SEMA3E: variants seen among roughly 807,000 people sequenced by gnomAD.
SEMA3E encodes semaphorin-3E.
SEMA3E carries 49 observed loss-of-function variants against 93.6 expected under a neutral mutation model. The observed-to-expected ratio is 0.52, with a 90% CI of 0.42 to 0.66. SEMA3E has a LOEUF of 0.66. Ranked by LOEUF, SEMA3E falls within the 30% of genes least tolerant of loss-of-function variation. The pLI, the probability that SEMA3E is intolerant of heterozygous loss-of-function variation, is 0.00. For synonymous variants in SEMA3E, 363 were observed against 330.7 expected (o/e 1.10, Z -1.06); for missense variants, 906 against 964.8 (o/e 0.94, Z 0.81).
Position 83,478,620 on chromosome 7 carries a change from G to A in SEMA3E, c.277-9318C>T, listed in dbSNP as rs187525905. 1.6e-3 allele frequency among the ~76,000 whole-genome samples: 242 copies of A among 152,236 alleles called. 2 individuals are homozygous for A. Among genetic ancestry groups the A allele is most frequent in the African/African-American group, 5.7e-3 (236 of 41,550 alleles). On this transcript the variant is annotated intron_variant, in intron 2 of 16. Coordinates refer to ENST00000643230, the MANE Select transcript of SEMA3E (RefSeq NM_012431.3). ...TCAGCCCTTATTATAAGTAAACAAA[G>A]GGTGTACAGTTACATCTAATACCAG...
intron 6 of SEMA3E, among the ~76,000 whole-genome samples, chr7:83,407,519 C>T (rs536893584): frequency 2.6e-5 from 4 of 151,942 alleles, no homozygotes; most frequent in Admixed American, 2.0e-4. Context: ...ACATGCAATG[C>T]GAACTTAAAA....
At chr7:83,449,388 C>T (rs186057139) in intron 4 of SEMA3E, among the ~76,000 whole-genome samples, 59 of 152,060 alleles carry the variant, frequency 3.9e-4, no homozygotes, top group African/African-American at 1.4e-3. Flanking sequence ...GCATGAGCCA[C>T]CTCAACTGGC....
chr7:83,545,181 G>A (rs1046705998), intron 1 of SEMA3E, among the ~76,000 whole-genome samples: 1 of 152,066 alleles, frequency 6.6e-6, no homozygotes, highest in Admixed American at 6.6e-5. Context: ...TCAGTGCTAG[G>A]AATGTTTAGA....
intron 7 of SEMA3E, 61 bp from the exon 8 acceptor site, chr7:83,406,120 C>A (rs76110148): frequency 8.3e-7 from 1 of 1,200,150 alleles, no homozygotes; most frequent in Non-Finnish European, 1.2e-6. Flanking sequence ...CCACAGATTT[C>A]ATATTATTAA....
chr7:83,464,986 G>C (rs1026505674), intron 4 of SEMA3E, among the ~76,000 whole-genome samples: 1 of 145,800 alleles, frequency 6.9e-6, no homozygotes, highest in African/African-American at 2.5e-5. Context: ...TGACTTGCAC[G>C]TATACACCCA....
intron 4 of SEMA3E, among the ~76,000 whole-genome samples, chr7:83,422,186 A>C (rs922889596): frequency 6.6e-6 from 1 of 152,166 alleles, no homozygotes; most frequent in Admixed American, 6.5e-5. Context: ...AAAAATAAAC[A>C]AATTAAAAAT....
chr7:83,548,880 C>A lies in SEMA3E; in HGVS notation c.116-58606G>T, dbSNP rs1317665587. The stretch of plus-strand genomic sequence containing the variant: ...TAAGGACCTATCTTATTCACAAATT[C>A]TATTCCTCCCTCTCCTCCTCTGGGC... On this transcript the variant is annotated intron_variant, in intron 1 of 16. Transcript: ENST00000643230. 2.6e-5 allele frequency among the ~76,000 whole-genome samples: 4 copies of A among 152,168 alleles called. No homozygotes were observed. The East Asian group carries it at 7.7e-4, about 29-fold the overall frequency.
intron 1 of SEMA3E, among the ~76,000 whole-genome samples, chr7:83,546,716 T>C (rs1791658264): frequency 6.6e-6 from 1 of 152,092 alleles, no homozygotes; most frequent in African/African-American, 2.4e-5. Flanking sequence ...TTCATGTTCA[T>C]TGTATCACTA....
At chr7:83,491,278 A>C (rs1450562901) in intron 1 of SEMA3E, among the ~76,000 whole-genome samples, 2 of 152,016 alleles carry the variant, frequency 1.3e-5, no homozygotes, top group Admixed American at 1.3e-4. Context: ...CTGTATTAAT[A>C]ATATATTCCT....
At chr7:83,457,868 G>A (rs931708207) in intron 4 of SEMA3E, among the ~76,000 whole-genome samples, 5 of 152,004 alleles carry the variant, frequency 3.3e-5, no homozygotes, top group South Asian at 2.1e-4. Flanking sequence ...TCTGCAAACC[G>A]ATTCCATAAA....
At chr7:83,536,326 C>T (rs1014222949) in intron 1 of SEMA3E, among the ~76,000 whole-genome samples, 2 of 151,640 alleles carry the variant, frequency 1.3e-5, no homozygotes, top group Non-Finnish European at 2.9e-5. Flanking sequence ...TGTCTTAGAC[C>T]AATGAAAATA....
intron 1 of SEMA3E, among the ~76,000 whole-genome samples, chr7:83,511,426 A>G (rs953463106): frequency 3.3e-5 from 5 of 152,128 alleles, no homozygotes; most frequent in African/African-American, 1.2e-4. Flanking sequence ...ACAGTCCTCT[A>G]TTCAGTAGAT....
At chr7:83,466,743 A>C (rs1207038802) in intron 3 of SEMA3E, 142 bp from the exon 4 acceptor site, 1 of 972,728 alleles carries the variant, frequency 1.0e-6, no homozygotes, top group Admixed American at 2.1e-5. Flanking sequence ...GGGGTAGAAG[A>C]AAAGAGGACA....
At chr7:83,475,455 G>C (rs143943482) in intron 2 of SEMA3E, among the ~76,000 whole-genome samples, 1 of 152,032 alleles carries the variant, frequency 6.6e-6, no homozygotes, top group Non-Finnish European at 1.5e-5. Context: ...GTAAAGATTC[G>C]ATCTCCCCCT....
chr7:83,382,005 C>G (rs1214545897), intron 16 of SEMA3E, among the ~76,000 whole-genome samples: 1 of 152,000 alleles, frequency 6.6e-6, no homozygotes, highest in East Asian at 1.9e-4. Context: ...GCATGCTCCA[C>G]TCAACTCTGA....
At chr7:83,516,655 C>T (rs1790933953) in intron 1 of SEMA3E, among the ~76,000 whole-genome samples, 1 of 152,124 alleles carries the variant, frequency 6.6e-6, no homozygotes, top group Admixed American at 6.5e-5. Context: ...AGAGAGAATA[C>T]ATTAACTATA....
At chr7:83,493,709 T>C (rs1430675402) in intron 1 of SEMA3E, among the ~76,000 whole-genome samples, 1 of 151,950 alleles carries the variant, frequency 6.6e-6, no homozygotes. Context: ...GACTTGTCAG[T>C]AGGTAGACAT....
At chr7:83,548,711 G>C (rs1252043700) in intron 1 of SEMA3E, among the ~76,000 whole-genome samples, 1 of 152,078 alleles carries the variant, frequency 6.6e-6, no homozygotes, top group Non-Finnish European at 1.5e-5. Flanking sequence ...TACTGAGGCT[G>C]ACAGCCTTAG....
chr7:83,559,180 T>G (rs17157823), intron 1 of SEMA3E, among the ~76,000 whole-genome samples: 18,041 of 151,870 alleles, frequency 0.12, 1,183 homozygotes, highest in East Asian at 0.2. Context: ...ACTGCAGGAG[T>G]TCAACAAAGC....
Sources: gnomAD v4.1 joint callset for allele counts (sites outside exome capture counted in the v4.1 genomes callset) on GRCh38, gnomAD v4.1.1 for gene constraint, MANE v1.5 for transcripts, NCBI Gene and HGNC (gene_info 2026-07-23, HGNC 2026-07-21) for gene names.